Variants in CFAP20DC observed in about 807,000 individuals in gnomAD.
CFAP20DC encodes CFAP20 domain containing, also known as protein CFAP20DC.
In CFAP20DC, 84 loss-of-function variants were observed where a neutral mutation model predicts 101.7. That is an observed-to-expected ratio of 0.83 (90% CI 0.69 to 0.99). The LOEUF is 0.99. Among genes scored for constraint, CFAP20DC ranks in the 50% least tolerant of loss-of-function variants. The pLI, the probability that CFAP20DC is intolerant of heterozygous loss-of-function variation, is 0.00. For synonymous variants in CFAP20DC, 359 were observed against 351.2 expected (o/e 1.02, Z -0.25); for missense variants, 1,007 against 970.3 (o/e 1.04, Z -0.50).
intron 4 of CFAP20DC, among the ~76,000 whole-genome samples, chr3:58,948,102 C>A (rs1315144579): frequency 2.3e-4 from 35 of 152,190 alleles, no homozygotes; most frequent in Admixed American, 2.3e-3. Context: ...CACTAACTTG[C>A]ACCAAACTGT....
At chr3:58,905,787 C>G (rs182820659) in intron 6 of CFAP20DC, among the ~76,000 whole-genome samples, 2 of 152,194 alleles carry the variant, frequency 1.3e-5, no homozygotes, top group African/African-American at 4.8e-5. Context: ...CTCAACACAG[C>G]CTCATCAGTC....
At chr3:58,814,712 A>G (rs952495087) in intron 14 of CFAP20DC, among the ~76,000 whole-genome samples, 4 of 150,714 alleles carry the variant, frequency 2.7e-5, no homozygotes, top group Non-Finnish European at 5.9e-5. Context: ...ATACACCAAC[A>G]ACAGACAAAC....
At position 58,863,529 on chromosome 3, in the gene CFAP20DC, A is replaced by C. The variant is rs779230696; in HGVS notation, c.1593+29T>G. The C allele has an allele frequency of 1.9e-6, 3 of 1,611,576 alleles. No individual in the cohort carries two copies. The Admixed American group carries it at 5.0e-5, about 27-fold the overall frequency. On this transcript the variant is annotated intron_variant, in intron 12 of 16. Coordinates refer to ENST00000482387, the MANE Select transcript of CFAP20DC (RefSeq NM_001394063.1). The surrounding 1 kb of genome is among the most constrained non-coding windows in gnomAD (Gnocchi z 5.9). ...GGAGCTAAGGAAACAACTGTGCTTCAAGACTACTTCACTTATCAAGCAGTG... is the reference window on the plus strand; with the variant it reads ...GGAGCTAAGGAAACAACTGTGCTTCCAGACTACTTCACTTATCAAGCAGTG...
At chr3:58,824,531 C>G (rs2075908463) in intron 14 of CFAP20DC, 1 of 151,922 alleles carries the variant, frequency 6.6e-6, no homozygotes, top group African/African-American at 2.4e-5. Flanking sequence ...GAAATGAAGG[C>G]TAAATAAAAG....
chr3:58,937,473 G>A (rs930407707), intron 5 of CFAP20DC, among the ~76,000 whole-genome samples, 175 bp downstream of exon 5: 3 of 152,094 alleles, frequency 2.0e-5, no homozygotes. Context: ...AAATAATTAC[G>A]TTATTCCACT....
intron 12 of CFAP20DC, 112 bp from the exon 13 acceptor site, chr3:58,849,521 C>CTA: frequency 2.5e-6 from 2 of 801,892 alleles, no homozygotes; most frequent in Non-Finnish European, 3.8e-6. Flanking sequence ...GCAAAAGCAT[C>CTA]TATATATAGA....
chr3:59,046,846 C>T (rs952155274), intron 2 of CFAP20DC, among the ~76,000 whole-genome samples: 10 of 151,890 alleles, frequency 6.6e-5, no homozygotes, highest in African/African-American at 1.5e-4. Flanking sequence ...TGAAGTAGAG[C>T]GGAAGAGGTT....
At chr3:59,041,337 A>G (rs1325835574) in intron 3 of CFAP20DC, among the ~76,000 whole-genome samples, 2 of 152,144 alleles carry the variant, frequency 1.3e-5, no homozygotes, top group Admixed American at 6.5e-5. Context: ...TTGTAATTCA[A>G]CTTTCTCACA....
Position 58,831,818 on chromosome 3 carries a change from C to T in CFAP20DC, c.2043G>A (p.Arg681=), listed in dbSNP as rs1423065778. ...CCTCCAGTTCTTCATTTTGTTGCCA[C>T]CGTAGGCTTGCTAGCATCTGTAACT... ...ESELQMLASL[R]WQQNEELEDA... Residue 681 remains arginine, a synonymous_variant, in exon 14 of 17, where the codon CGG becomes CGA. Coordinates refer to ENST00000482387, the MANE Select transcript of CFAP20DC (RefSeq NM_001394063.1). 6.2e-7 allele frequency: 1 copy of T among 1,614,106 alleles called. No individual in the cohort carries two copies. Among genetic ancestry groups the T allele is most frequent in the Non-Finnish European group, 8.5e-7 (1 of 1,179,978 alleles).
At chr3:58,806,721 A>C (rs1379853761) in intron 14 of CFAP20DC, among the ~76,000 whole-genome samples, 3 of 152,170 alleles carry the variant, frequency 2.0e-5, no homozygotes, top group Non-Finnish European at 4.4e-5. Flanking sequence ...TGGGTGCAGG[A>C]CAGTGGGTGC....
intron 16 of CFAP20DC, among the ~76,000 whole-genome samples, chr3:58,752,369 T>C (rs2068634723): frequency 6.6e-6 from 1 of 152,094 alleles, no homozygotes; most frequent in Non-Finnish European, 1.5e-5. Context: ...GGCCAGCACA[T>C]TTCTACAATG....
intron 4 of CFAP20DC, among the ~76,000 whole-genome samples, chr3:58,994,934 G>A (rs971938205): frequency 1.1e-4 from 17 of 152,024 alleles, no homozygotes; most frequent in African/African-American, 3.9e-4. Context: ...ATGCAGCAGG[G>A]GGAGCTATGG....
At chr3:58,921,103 C>T (rs2085314406) in intron 5 of CFAP20DC, among the ~76,000 whole-genome samples, 1 of 151,856 alleles carries the variant, frequency 6.6e-6, no homozygotes, top group African/African-American at 2.4e-5. Context: ...TCCTTTTTCC[C>T]CACTTTCATT....
chr3:58,765,490 C>CAAAAAAAAAAAAAAAAAAAAAAAAAACA (rs1337049385), intron 15 of CFAP20DC, among the ~76,000 whole-genome samples: 4 of 81,814 alleles, frequency 4.9e-5, no homozygotes, highest in East Asian at 4.0e-4. Flanking sequence ...AAAAAAAAAC[C>CAAAAAAAAAAAAAAAAAAAAAAAAAACA]AAAAAAAAAA....
At chr3:58,966,261 C>G (rs1431113459) in intron 4 of CFAP20DC, among the ~76,000 whole-genome samples, 4 of 152,104 alleles carry the variant, frequency 2.6e-5, no homozygotes, top group Non-Finnish European at 2.9e-5. Flanking sequence ...CCCTTGTTTT[C>G]TAAGAACAGA....
chr3:59,033,832 T>A (rs529322551), intron 4 of CFAP20DC, among the ~76,000 whole-genome samples: 1 of 152,188 alleles, frequency 6.6e-6, no homozygotes, highest in East Asian at 1.9e-4. Context: ...AACATTCAAA[T>A]TCAGGAAATA....
At chr3:58,896,910 C>A (rs1286631978) in intron 6 of CFAP20DC, among the ~76,000 whole-genome samples, 1 of 152,076 alleles carries the variant, frequency 6.6e-6, no homozygotes, top group Non-Finnish European at 1.5e-5. Context: ...CCACTTGATC[C>A]AGAGCTGGGT....
In CFAP20DC at chr3:58,907,844, T is replaced by C. The variant is rs2083758463; in HGVS notation, c.550+5864A>G. Among the ~76,000 whole-genome samples, 3 of 152,160 alleles carry C rather than the reference T, an allele frequency of 2.0e-5. No homozygotes were observed. In the South Asian group the frequency reaches 6.2e-4, roughly 32 times the overall value. On this transcript the variant is annotated intron_variant, in intron 6 of 16. Transcript: ENST00000482387. ...CAAGGCGAAGTACTGGCAGCTAAGA[T>C]GAAAGGAATACGGGGTTATACACCA...
At chr3:58,952,269 A>G (rs921119120) in intron 4 of CFAP20DC, among the ~76,000 whole-genome samples, 2 of 152,180 alleles carry the variant, frequency 1.3e-5, no homozygotes, top group African/African-American at 4.8e-5. Flanking sequence ...AGTGGAAAAT[A>G]CCAGAAATAA....
Sources: allele counts gnomAD v4.1 joint callset (sites outside exome capture counted in the v4.1 genomes callset), GRCh38; gene constraint gnomAD v4.1.1; non-coding constraint Gnocchi (gnomAD v3.1); transcripts MANE v1.5; gene names NCBI Gene and HGNC (gene_info 2026-07-23, HGNC 2026-07-21).